Variants in MADD observed in about 807,000 individuals in gnomAD.
MADD encodes the protein MAP kinase activating death domain.
Under a neutral mutation model 176.7 loss-of-function variants are expected in MADD, and 109 were observed. The observed-to-expected ratio is 0.62, with a 90% CI of 0.53 to 0.72. The LOEUF is 0.72. Ranked by LOEUF, MADD falls within the 30% of genes least tolerant of loss-of-function variation. MADD has a pLI of 0.00. For missense variants in MADD, 1,914 were observed against 2,045.5 expected, an observed-to-expected ratio of 0.94 and a Z score of 1.24; for synonymous variants, 771 against 771.3, an observed-to-expected ratio of 1.00 and a Z score of 0.01.
chr11:47,288,693 CTGTTTCA>C (rs2062752006), intron 15 of MADD, among the ~76,000 whole-genome samples: 1 of 152,160 alleles, frequency 6.6e-6, no homozygotes, highest in Non-Finnish European at 1.5e-5. Flanking sequence ...CCAGCGGTCC[CTGTTTCA>C]TGCATGTGTG....
intron 20 of MADD, among the ~76,000 whole-genome samples, chr11:47,294,358 A>AT (rs918825948): frequency 2.7e-4 from 32 of 117,400 alleles, no homozygotes; most frequent in African/African-American, 1.1e-3. Context: ...CAAAAAAAAA[A>AT]AAAAATAAAA....
At chr11:47,283,121 TCTCG>T in intron 10 of MADD, 152 bp downstream of exon 10, 1 of 682,760 alleles carries the variant, frequency 1.5e-6, no homozygotes, top group East Asian at 3.8e-5. Context: ...TGAGACGGAG[TCTCG>T]CTCTGTCACC....
chr11:47,286,573 G>A lies in MADD; in HGVS notation c.2653+39G>A, dbSNP rs1402659945. ...TCCTTTTGCCAAGCCAGGTTTCTCCGGGAGATGTTTCGGGCTGTGGGTTCA... is the reference window on the plus strand; with the variant it reads ...TCCTTTTGCCAAGCCAGGTTTCTCCAGGAGATGTTTCGGGCTGTGGGTTCA... On this transcript the variant is annotated intron_variant, in intron 15 of 32. Coordinates refer to ENST00000402192, the Ensembl canonical transcript of MADD. The A allele has an allele frequency of 9.2e-6, 14 of 1,514,796 alleles. No homozygotes were observed. In the Admixed American group the frequency reaches 1.7e-4, roughly 18 times the overall value. 93.8% of individuals were successfully genotyped at this position (1,514,796 alleles called of 1,614,324 possible). A position where few individuals can be genotyped will look rare whatever the true frequency, so the allele number is the denominator to read the frequency against.
At position 47,278,069 on chromosome 11, in the gene MADD, T is replaced by C. The variant is rs924047810; in HGVS notation, c.1096-96T>C. 7 of 811,556 alleles carry C rather than the reference T, an allele frequency of 8.6e-6. No individual in the cohort carries two copies. In the African/African-American group the frequency reaches 1.2e-4, roughly 14 times the overall value. 50.3% of individuals were successfully genotyped at this position (811,556 alleles called of 1,614,324 possible). A position where few individuals can be genotyped will look rare whatever the true frequency, so the allele number is the denominator to read the frequency against. On this transcript the variant is annotated intron_variant, in intron 5 of 32. Coordinates refer to ENST00000402192, the Ensembl canonical transcript of MADD. ...GGCCTCAAGAGTTTTGGAAGAGGGA[T>C]TGTATCTGCATTTCCTTATCTAGAA... is the stretch of plus-strand genomic sequence containing the variant.
At chr11:47,286,959 A>T (rs1238247274) in intron 15 of MADD, among the ~76,000 whole-genome samples, 1 of 152,156 alleles carries the variant, frequency 6.6e-6, no homozygotes, top group East Asian at 1.9e-4. Context: ...CCTCTCACGC[A>T]CTCATAAGCC....
chr11:47,269,783 G>T (rs904968157), upstream of MADD: 1 of 152,166 alleles, frequency 6.6e-6, no homozygotes, highest in Non-Finnish European at 1.5e-5. Flanking sequence ...GGGATGGGGA[G>T]CCCGTCAGGA....
At position 47,276,729 on chromosome 11, in the gene MADD, C is replaced by T. The variant is rs1368733700; in HGVS notation, c.964-3C>T. ...GTGATTCTTACTGGATGGCTCATGA[C>T]AGGTGGTGCTACAGTCCCGAGACTA... On this transcript the variant is annotated splice_region_variant and splice_polypyrimidine_tract_variant and intron_variant, in intron 4 of 32. Transcript: ENST00000402192. The T allele has an allele frequency of 1.2e-6, 2 of 1,613,998 alleles. No homozygotes were observed. The highest frequency in any genetic ancestry group is 3.3e-5 in the Admixed American group (2 of 60,004).
At chr11:47,315,437 T>G in intron 27 of MADD, 110 bp downstream of exon 30, 1 of 612,586 alleles carries the variant, frequency 1.6e-6, no homozygotes, top group Non-Finnish European at 2.9e-6. Flanking sequence ...CTTCATGATC[T>G]ATTTATCATT....
intron 15 of MADD, 85 bp from the exon 16 acceptor site, chr11:47,288,883 A>G (rs2062891319): frequency 1.0e-6 from 1 of 992,998 alleles, no homozygotes; most frequent in East Asian, 2.6e-5. Context: ...GAGAATGCTC[A>G]GATTATCTGG....
chr11:47,271,708 C>T (rs1018023855), intron 1 of MADD, among the ~76,000 whole-genome samples: 11 of 151,464 alleles, frequency 7.3e-5, no homozygotes, highest in African/African-American at 4.9e-5. Flanking sequence ...GGCTCTCACT[C>T]TAGTCATTTC....
exon 7 of MADD, chr11:47,279,019 A>G (rs1239283815): frequency 1.9e-6 from 3 of 1,614,122 alleles, no homozygotes; most frequent in Non-Finnish European, 2.5e-6. Context: ...CCACCAATGC[A>G]GAAGTGCTGC....
intron 22 of MADD, among the ~76,000 whole-genome samples, chr11:47,298,907 G>A (rs1331251446): frequency 1.3e-5 from 2 of 152,284 alleles, no homozygotes; most frequent in East Asian, 1.9e-4. Context: ...TGGATATCAA[G>A]TTTTCCGAGC....
exon 26 of MADD, chr11:47,311,742 A>G: frequency 6.2e-7 from 1 of 1,610,530 alleles, no homozygotes; most frequent in Non-Finnish European, 8.5e-7. Context: ...GTAAATAAGA[A>G]TGACATCCGC....
chr11:47,329,769 T>C (rs3021055), exon 33 of MADD: 152,707 of 153,724 alleles, frequency 0.99, 75,851 homozygotes, highest in East Asian at 1. Flanking sequence ...TGGCCTGCCA[T>C]GCCTTCGGCA....
chr11:47,329,082 T>C, exon 33 of MADD: 1 of 1,614,160 alleles, frequency 6.2e-7, no homozygotes, highest in Non-Finnish European at 8.5e-7. Context: ...ATGTCTCTTC[T>C]CGTACGTGGC....
intron 31 of MADD, chr11:47,327,406 C>T (rs934551278): frequency 6.1e-6 from 6 of 985,282 alleles, no homozygotes; most frequent in Non-Finnish European, 7.2e-6. Flanking sequence ...TTCTTTTGTG[C>T]CCCTCATCGC....
rs927856630 is a variant in MADD, at chr11:47,289,506, A to G, written c.2756+13A>G. ...CCAGCAATTCTAGGTAATAAATGGT[A>G]GAGCTGTTTTAAAAGTTCTCAGGCA... On this transcript the variant is annotated intron_variant, in intron 16 of 32. Transcript: ENST00000402192. 4 of 1,610,362 alleles carry G rather than the reference A, an allele frequency of 2.5e-6. No homozygotes were observed. In the African/African-American group the frequency reaches 5.3e-5, roughly 22 times the overall value.
intron 3 of MADD, among the ~76,000 whole-genome samples, chr11:47,275,517 C>T (rs2048894116): frequency 6.6e-6 from 1 of 152,202 alleles, no homozygotes; most frequent in Admixed American, 6.5e-5. Context: ...TCTCAAACTC[C>T]TCACCTCAGG....
chr11:47,321,116 C>T (rs923906005), intron 27 of MADD, among the ~76,000 whole-genome samples: 1 of 152,182 alleles, frequency 6.6e-6, no homozygotes, highest in African/African-American at 2.4e-5. Context: ...CTCCAACAGC[C>T]ACTTAGACGA....
Sources: allele counts gnomAD v4.1 joint callset (sites outside exome capture counted in the v4.1 genomes callset), GRCh38; gene constraint gnomAD v4.1.1; transcripts MANE v1.5; gene names NCBI Gene and HGNC (gene_info 2026-07-23, HGNC 2026-07-21).